The following CCBE1 variants were observed in gnomAD, a reference collection of about 807,000 sequenced individuals.
CCBE1 encodes the protein collagen and calcium-binding EGF domain-containing protein 1.
A neutral mutation model predicts 50.0 loss-of-function variants in CCBE1; 37 were observed. That is an observed-to-expected ratio of 0.74 (90% CI 0.57 to 0.97). The LOEUF is 0.97. Ranked by LOEUF, CCBE1 falls within the 50% of genes least tolerant of loss-of-function variation. The probability of loss-of-function intolerance (pLI) is 0.00; values close to 1 mark genes in which losing one functional copy is unlikely to be tolerated. For synonymous variants in CCBE1, 234 were observed against 203.7 expected, an observed-to-expected ratio of 1.15 and a Z score of -1.27; for missense variants, 538 against 523.8, an observed-to-expected ratio of 1.03 and a Z score of -0.26.
At chr18:59,585,357 A>G (rs770652805) in intron 2 of CCBE1, among the ~76,000 whole-genome samples, 9 of 151,982 alleles carry the variant, frequency 5.9e-5, no homozygotes, top group Non-Finnish European at 1.0e-4. Context: ...GCCATTTTAC[A>G]TTTATTTGGT....
chr18:59,473,325 C>G (rs972225006), intron 3 of CCBE1, among the ~76,000 whole-genome samples: 1 of 152,142 alleles, frequency 6.6e-6, no homozygotes, highest in South Asian at 2.1e-4. Context: ...AATGCTGCTG[C>G]AGGGAAGTCC....
At chr18:59,465,989 T>C (rs1335778107) in intron 5 of CCBE1, among the ~76,000 whole-genome samples, 2 of 152,130 alleles carry the variant, frequency 1.3e-5, no homozygotes, top group African/African-American at 4.8e-5. Context: ...TAGAAGGAGT[T>C]TGAACTTATA....
At chr18:59,543,863 A>C (rs1310400875) in intron 2 of CCBE1, among the ~76,000 whole-genome samples, 2 of 150,618 alleles carry the variant, frequency 1.3e-5, no homozygotes, top group African/African-American at 2.4e-5. Context: ...AAAAAACAGA[A>C]AACACTAATG....
At chr18:59,514,462 T>C (rs7228151) in intron 2 of CCBE1, among the ~76,000 whole-genome samples, 49,131 of 151,812 alleles carry the variant, frequency 0.32, 9,088 homozygotes, top group East Asian at 0.5. Flanking sequence ...ACACCAGCAA[T>C]CTCACAAGCT....
rs569182962 is a variant in CCBE1, at chr18:59,434,744, C to T, written c.*1164G>A. On this transcript the variant is annotated 3_prime_UTR_variant, in exon 11 of 11. Transcript: ENST00000439986. ...AAGTTTTTGCAAACAAGGAAAACCA[C>T]TATTTTTTTTTCTCCCCATCCAAGA... 6.6e-6 allele frequency: 1 copy of T among 152,296 alleles called. No individual in the cohort carries two copies. The highest frequency in any genetic ancestry group is 1.9e-4 in the East Asian group (1 of 5,192). The allele number at this position is 152,296 out of a possible 1,614,324, so 9.4% of individuals were successfully genotyped here. A position where few individuals can be genotyped will look rare whatever the true frequency, so the allele number is the denominator to read the frequency against.
At chr18:59,620,259 G>A (rs1179870423) in intron 2 of CCBE1, among the ~76,000 whole-genome samples, 1 of 152,102 alleles carries the variant, frequency 6.6e-6, no homozygotes, top group South Asian at 2.1e-4. Flanking sequence ...TCCAGTGGGG[G>A]GAGAGATTAC....
intron 2 of CCBE1, among the ~76,000 whole-genome samples, chr18:59,629,261 C>T (rs1327078356): frequency 6.6e-6 from 1 of 152,168 alleles, no homozygotes; most frequent in East Asian, 1.9e-4. Context: ...CATCTTCCCC[C>T]AGGTATCATG....
chr18:59,503,318 G>A (rs775598818), intron 2 of CCBE1, among the ~76,000 whole-genome samples: 98 of 152,170 alleles, frequency 6.4e-4, no homozygotes, highest in African/African-American at 2.1e-3. Flanking sequence ...TTATGGAGCC[G>A]ATCAACCTGC....
intron 2 of CCBE1, among the ~76,000 whole-genome samples, chr18:59,481,835 G>C (rs1912584911): frequency 6.6e-6 from 1 of 152,194 alleles, no homozygotes; most frequent in Non-Finnish European, 1.5e-5. Flanking sequence ...GATGACACTA[G>C]AGGGAAATGT....
chr18:59,479,121 A>G (rs550353720), intron 3 of CCBE1, among the ~76,000 whole-genome samples: 2 of 152,346 alleles, frequency 1.3e-5, no homozygotes, highest in East Asian at 3.9e-4. Flanking sequence ...TAGATCTTCT[A>G]TAGAGATCTG....
Position 59,644,071 on chromosome 18 carries a change from G to T in CCBE1, c.212+52558C>A, listed in dbSNP as rs115210711. On this transcript the variant is annotated intron_variant, in intron 2 of 10. Transcript: ENST00000439986. The stretch of plus-strand genomic sequence containing the variant: ...ATGGAAGACAATTTTTTCCATGAGG[G>T]TTTAAGGGAGGCCCAGGGGGACAGT... 6.0e-3 allele frequency among the ~76,000 whole-genome samples: 919 copies of T among 152,262 alleles called. 14 individuals are homozygous for T. Among genetic ancestry groups the T allele is most frequent in the African/African-American group, 0.021 (882 of 41,560 alleles).
chr18:59,645,847 C>A (rs188295224), intron 2 of CCBE1, among the ~76,000 whole-genome samples: 24 of 152,150 alleles, frequency 1.6e-4, no homozygotes, highest in African/African-American at 5.3e-4. Context: ...CTGGCTAACA[C>A]GGTGAAACCC....
chr18:59,466,462 A>G (rs1911747941), intron 5 of CCBE1, among the ~76,000 whole-genome samples: 3 of 152,082 alleles, frequency 2.0e-5, no homozygotes, highest in African/African-American at 2.4e-5. Flanking sequence ...TTTTCTTTAT[A>G]AATTACCCAG....
At position 59,607,400 on chromosome 18, in the gene CCBE1, A is replaced by T. The variant is rs1236710564; in HGVS notation, c.212+89229T>A. On this transcript the variant is annotated intron_variant, in intron 2 of 10. Coordinates refer to ENST00000439986, the MANE Select transcript of CCBE1 (RefSeq NM_133459.4). ...CTAGACTGGAGCCTACTCACTATTT[A>T]CCATTATTGTTCCAGTTGCAGAATC... is the stretch of plus-strand genomic sequence containing the variant. 2.0e-5 allele frequency among the ~76,000 whole-genome samples: 3 copies of T among 152,284 alleles called. No individual in the cohort carries two copies. The South Asian group carries it at 6.2e-4, about 32-fold the overall frequency.
At chr18:59,504,720 C>T (rs564444195) in intron 2 of CCBE1, among the ~76,000 whole-genome samples, 3 of 152,304 alleles carry the variant, frequency 2.0e-5, no homozygotes, top group South Asian at 4.2e-4. Context: ...TCTGCGATGT[C>T]CTCCTGCCTC....
At chr18:59,438,081 T>C (rs1910240515) in intron 10 of CCBE1, 30 bp downstream of exon 10, 1 of 1,612,908 alleles carries the variant, frequency 6.2e-7, no homozygotes, top group African/African-American at 1.3e-5. Context: ...AACGTTCCCC[T>C]GGGGAAGCAG....
chr18:59,455,959 G>T (rs529511332), intron 5 of CCBE1, among the ~76,000 whole-genome samples: 1 of 152,200 alleles, frequency 6.6e-6, no homozygotes, highest in Non-Finnish European at 1.5e-5. Context: ...CGGGTAATGC[G>T]TGACCATCTC....
chr18:59,617,776 G>A (rs1362718928), intron 2 of CCBE1, among the ~76,000 whole-genome samples: 2 of 152,144 alleles, frequency 1.3e-5, no homozygotes, highest in African/African-American at 4.8e-5. Context: ...CTCTGACTCT[G>A]GGATTACTAA....
intron 2 of CCBE1, among the ~76,000 whole-genome samples, chr18:59,502,442 C>G (rs1034452542): frequency 7.5e-6 from 1 of 132,542 alleles, no homozygotes; most frequent in African/African-American, 3.1e-5. Flanking sequence ...CCCACTACCC[C>G]TAACATCCCA....
Sources: gnomAD v4.1 joint callset for allele counts (sites outside exome capture counted in the v4.1 genomes callset) on GRCh38, gnomAD v4.1.1 for gene constraint, MANE v1.5 for transcripts, NCBI Gene and HGNC (gene_info 2026-07-23, HGNC 2026-07-21) for gene names.